The following PARD3 variants were observed in gnomAD, a reference collection of about 807,000 sequenced individuals.
The protein encoded by PARD3 is partitioning defective 3 homolog.
Under a neutral mutation model 155.4 loss-of-function variants are expected in PARD3, and 75 were observed. That is an observed-to-expected ratio of 0.48 (90% CI 0.40 to 0.58). The LOEUF (loss-of-function observed/expected upper bound fraction) is 0.58, where lower values mean the gene tolerates loss of function less well. Ranked by LOEUF, PARD3 falls within the 20% of genes least tolerant of loss-of-function variation. The pLI is 0.00. For synonymous variants in PARD3, 576 were observed against 610.5 expected, an observed-to-expected ratio of 0.94 and a Z score of 0.83; for missense variants, 1,642 against 1,721.7, an observed-to-expected ratio of 0.95 and a Z score of 0.82.
chr10:34,444,780 G>A (rs1010200759), intron 5 of PARD3, among the ~76,000 whole-genome samples: 1 of 152,160 alleles, frequency 6.6e-6, no homozygotes, highest in Admixed American at 6.5e-5. Flanking sequence ...CAAAGAATAA[G>A]ACACCCCAGA....
At chr10:34,304,338 TAAA>T (rs138887087) in intron 20 of PARD3, among the ~76,000 whole-genome samples, 1 of 135,734 alleles carries the variant, frequency 7.4e-6, no homozygotes. Context: ...TCTACAAAAT[TAAA>T]AAAAAAAAAA....
rs577728672 is a variant in PARD3 at position 34,429,552 on chromosome 10, C to CAGTTT, written c.714+20760_714+20764dup. On this transcript the variant is annotated intron_variant, in intron 5 of 24. Coordinates refer to ENST00000374788, the MANE Select transcript of PARD3 (RefSeq NM_001184785.2). ...CTAAGAATACAGCCCCACTCTAACTCAGTTTTGTTTTGTTTTGTTTTGTTT... is the reference window on the plus strand; with the variant it reads ...CTAAGAATACAGCCCCACTCTAACTCAGTTTAGTTTTGTTTTGTTTTGTTTTGTTT... 5.1e-3 allele frequency among the ~76,000 whole-genome samples: 690 copies of CAGTTT among 134,516 alleles called. 4 individuals carry two copies. The highest frequency in any genetic ancestry group is 0.02 in the African/African-American group (658 of 33,316). 88.2% of individuals were successfully genotyped at this position (134,516 alleles called of 152,430 possible). A position where few individuals can be genotyped will look rare whatever the true frequency, so the allele number is the denominator to read the frequency against.
intron 22 of PARD3, among the ~76,000 whole-genome samples, chr10:34,188,920 G>A (rs1005190077): frequency 1.3e-5 from 2 of 152,020 alleles, no homozygotes; most frequent in Admixed American, 6.6e-5. Flanking sequence ...TGGTATGAGG[G>A]GCCTCTGCTT....
intron 2 of PARD3, among the ~76,000 whole-genome samples, chr10:34,619,332 G>A (rs373762128): frequency 1.3e-5 from 2 of 151,988 alleles, no homozygotes; most frequent in African/African-American, 4.8e-5. Context: ...TTACAGATGT[G>A]AGCCATCATG....
At chr10:34,168,577 T>A (rs370689635) in intron 22 of PARD3, among the ~76,000 whole-genome samples, 69 of 152,206 alleles carry the variant, frequency 4.5e-4, no homozygotes, top group Admixed American at 2.0e-3. Flanking sequence ...ATTTGGTAAG[T>A]CATTGGGAGG....
At chr10:34,255,754 T>C (rs1954620993) in intron 22 of PARD3, among the ~76,000 whole-genome samples, 1 of 152,238 alleles carries the variant, frequency 6.6e-6, no homozygotes, top group African/African-American at 2.4e-5. Flanking sequence ...TCCAGAATTA[T>C]ATGAAGTCAA....
chr10:34,445,356 T>A (rs2076684467), intron 5 of PARD3, among the ~76,000 whole-genome samples: 1 of 152,236 alleles, frequency 6.6e-6, no homozygotes, highest in Non-Finnish European at 1.5e-5. Flanking sequence ...GTGGTTCTTG[T>A]CCTCTTCAAC....
chr10:34,274,714 T>G (rs1369708946), intron 21 of PARD3, among the ~76,000 whole-genome samples: 1 of 152,140 alleles, frequency 6.6e-6, no homozygotes, highest in African/African-American at 2.4e-5. Flanking sequence ...CCTCCAAAAA[T>G]CAAAGAGAAG....
chr10:34,470,571 C>T lies in PARD3; in HGVS notation c.404-308G>A, dbSNP rs551319200. Reference sequence around the variant, plus strand: ...TCTCTGCCTCTAGTCCTTTCCAACTCAAATGAAAATAAAACAGTACCTCTT... The same window carrying T: ...TCTCTGCCTCTAGTCCTTTCCAACTTAAATGAAAATAAAACAGTACCTCTT... On this transcript the variant is annotated intron_variant, in intron 3 of 24. Transcript: ENST00000374788. Among the ~76,000 whole-genome samples, 16 of 152,182 alleles carry T rather than the reference C, an allele frequency of 1.1e-4. No individual in the cohort carries two copies. In the South Asian group the frequency reaches 2.9e-3, roughly 28 times the overall value.
At chr10:34,545,491 C>T (rs1178169717) in intron 2 of PARD3, among the ~76,000 whole-genome samples, 4 of 152,100 alleles carry the variant, frequency 2.6e-5, no homozygotes, top group Non-Finnish European at 5.9e-5. Flanking sequence ...ATTATAACTG[C>T]CTTACAAAAA....
intron 2 of PARD3, among the ~76,000 whole-genome samples, chr10:34,634,177 G>A (rs761125981): frequency 1.1e-4 from 16 of 152,128 alleles, no homozygotes; most frequent in Admixed American, 4.6e-4. Flanking sequence ...GATCCAAGGC[G>A]GCTTGTTTGG....
At chr10:34,274,032 C>T (rs946737673) in intron 21 of PARD3, among the ~76,000 whole-genome samples, 5 of 152,254 alleles carry the variant, frequency 3.3e-5, no homozygotes, top group South Asian at 2.1e-4. Flanking sequence ...AATGGGGCAA[C>T]GAAAACTGCT....
chr10:34,765,433 T>C (rs1254866709), intron 1 of PARD3, among the ~76,000 whole-genome samples: 1 of 151,994 alleles, frequency 6.6e-6, no homozygotes, highest in Non-Finnish European at 1.5e-5. Flanking sequence ...ATCCCAGCAC[T>C]TTGGGAGGCT....
chr10:34,307,432 C>T (rs994501728), intron 20 of PARD3, among the ~76,000 whole-genome samples: 2 of 152,122 alleles, frequency 1.3e-5, no homozygotes, highest in Admixed American at 6.5e-5. Flanking sequence ...TGCTGCCTCT[C>T]GACCTGAAAT....
chr10:34,359,226 C>T lies in PARD3; in HGVS notation c.1988G>A (p.Arg663Lys). The change falls in exon 14 of 25, where the codon AGA becomes AAA. Residue 663 changes from arginine to lysine, a missense_variant. Arg to Lys is a conservative substitution (Grantham distance 26). Coordinates refer to ENST00000374788, the MANE Select transcript of PARD3 (RefSeq NM_001184785.2). ...KTNQDAMETL[R>K]RSMSTEGNKR... ...ATTGCCTTCAGTAGACATAGACCTT[C>T]TTAGGGTTTCCATGGCATCTTGGTT... 1 of 1,613,824 alleles carries T rather than the reference C, an allele frequency of 6.2e-7. No homozygotes were observed.
At chr10:34,611,042 T>C (rs2090854765) in intron 2 of PARD3, among the ~76,000 whole-genome samples, 1 of 152,192 alleles carries the variant, frequency 6.6e-6, no homozygotes, top group Non-Finnish European at 1.5e-5. Context: ...CTGAAAATAT[T>C]CTAGTCTTTG....
chr10:34,760,268 C>T (rs1028561651), intron 1 of PARD3, among the ~76,000 whole-genome samples: 9 of 152,104 alleles, frequency 5.9e-5, no homozygotes, highest in Non-Finnish European at 1.2e-4. Flanking sequence ...GTGATCCTCC[C>T]ACCTTGGCCT....
intron 3 of PARD3, among the ~76,000 whole-genome samples, chr10:34,514,659 T>C (rs1488399813): frequency 1.3e-5 from 2 of 152,278 alleles, no homozygotes; most frequent in East Asian, 3.9e-4. Flanking sequence ...AGACAACACA[T>C]ATGCTTCAAA....
chr10:34,560,472 A>C (rs1359440242), intron 2 of PARD3, among the ~76,000 whole-genome samples: 2 of 152,214 alleles, frequency 1.3e-5, no homozygotes, highest in African/African-American at 4.8e-5. Flanking sequence ...AGAGGACACA[A>C]GGCCAATACA....
Sources: allele counts gnomAD v4.1 joint callset (sites outside exome capture counted in the v4.1 genomes callset), GRCh38; gene constraint gnomAD v4.1.1; transcripts MANE v1.5; gene names NCBI Gene and HGNC (gene_info 2026-07-23, HGNC 2026-07-21).